The following ACCSL variants were observed in gnomAD, a reference collection of about 807,000 sequenced individuals.
ACCSL encodes 1-aminocyclopropane-1-carboxylate synthase homolog (inactive) like, also known as probable inactive 1-aminocyclopropane-1-carboxylate synthase-like protein 2.
Under a neutral mutation model 61.7 loss-of-function variants are expected in ACCSL, and 55 were observed. The observed-to-expected ratio is 0.89, with a 90% CI of 0.72 to 1.12. The LOEUF is 1.12. Ranked by LOEUF, ACCSL falls within the 50% of genes most tolerant of loss-of-function variation. ACCSL has a pLI of 0.00. For synonymous variants in ACCSL, 258 were observed against 264.3 expected (o/e 0.98, Z 0.23); for missense variants, 632 against 698.0 (o/e 0.91, Z 1.07).
chr11:44,000,748 A>G, the ACCSL span, among the ~76,000 whole-genome samples: 1 of 152,000 alleles, frequency 6.6e-6, no homozygotes, highest in Non-Finnish European at 1.5e-5. Flanking sequence ...AAAGAAAGAA[A>G]GAAAATTGTA....
chr11:44,014,128 G>T, the ACCSL span, among the ~76,000 whole-genome samples: 1 of 152,200 alleles, frequency 6.6e-6, no homozygotes, highest in African/African-American at 2.4e-5. Flanking sequence ...GTTATATACC[G>T]CTGTGAAACA....
the ACCSL span, among the ~76,000 whole-genome samples, chr11:43,976,548 C>T: frequency 6.6e-6 from 1 of 152,178 alleles, no homozygotes; most frequent in African/African-American, 2.4e-5. Flanking sequence ...ATTTCTGGCT[C>T]ATAAAGTCAA....
At chr11:43,956,103 A>G in the ACCSL span, among the ~76,000 whole-genome samples, 1 of 152,184 alleles carries the variant, frequency 6.6e-6, no homozygotes, top group East Asian at 1.9e-4. Context: ...AAAAAAAAAA[A>G]AAAAGGAAAT....
chr11:44,053,001 CA>C lies in ACCSL; in HGVS notation c.884del (p.Asn295ThrfsTer12). On this transcript the variant is annotated frameshift_variant, in exon 7 of 14. Coordinates refer to ENST00000378832, the MANE Select transcript of ACCSL (RefSeq NM_001031854.2). LOFTEE classifies it high-confidence loss of function. ...GTGTTTCTCTTCCAGGTCACTGTTA[CA>C]AACACCCATCCTTTCCAGCTCACTG... The part of the protein sequence containing the change: ...PVHLESEVTV[T>X]NTHPFQLTVD... 1 of 1,614,056 alleles carries C rather than the reference CA, an allele frequency of 6.2e-7. No homozygotes were observed. Among genetic ancestry groups the C allele is most frequent in the Non-Finnish European group, 8.5e-7 (1 of 1,179,920 alleles).
chr11:43,922,068 A>C, the ACCSL span: 1 of 152,252 alleles, frequency 6.6e-6, no homozygotes, highest in Admixed American at 6.5e-5. Flanking sequence ...TTTTGCTTAC[A>C]TCGCGTGTAA....
chr11:43,932,266 T>G, the ACCSL span, among the ~76,000 whole-genome samples: 1 of 152,172 alleles, frequency 6.6e-6, no homozygotes, highest in African/African-American at 2.4e-5. Context: ...AGACTTTTTT[T>G]TCTTTCTTTT....
the ACCSL span, among the ~76,000 whole-genome samples, chr11:43,956,451 G>A: frequency 2.0e-5 from 3 of 151,482 alleles, no homozygotes; most frequent in Admixed American, 2.0e-4. Context: ...ATGGAGTCTC[G>A]CTCTGTTGCC....
chr11:44,007,894 T>A, the ACCSL span, among the ~76,000 whole-genome samples: 58 of 152,210 alleles, frequency 3.8e-4, no homozygotes, highest in African/African-American at 1.3e-3. Context: ...GTTTGGATGG[T>A]GCAGTGAGAC....
At chr11:43,937,363 A>G in the ACCSL span, among the ~76,000 whole-genome samples, 1 of 152,230 alleles carries the variant, frequency 6.6e-6, no homozygotes, top group Non-Finnish European at 1.5e-5. Flanking sequence ...AGCCGTCAGT[A>G]GGGTGGCTAG....
At chr11:43,981,496 G>C in the ACCSL span, among the ~76,000 whole-genome samples, 1 of 152,190 alleles carries the variant, frequency 6.6e-6, no homozygotes, top group Admixed American at 6.5e-5. Flanking sequence ...AAAAGGGTGG[G>C]GGATATTTTT....
the ACCSL span, among the ~76,000 whole-genome samples, chr11:43,960,984 A>T: frequency 1.3e-5 from 2 of 151,134 alleles, no homozygotes; most frequent in African/African-American, 4.9e-5. Flanking sequence ...ACACTTGGTG[A>T]TTTTTTTTGT....
At chr11:43,996,325 A>G in the ACCSL span, among the ~76,000 whole-genome samples, 1,517 of 152,298 alleles carry the variant, frequency 1.0e-2, 31 homozygotes, top group African/African-American at 0.035. Context: ...ATGTCTTGAG[A>G]CAGCTTTGCC....
At chr11:44,052,641 T>C in intron 5 of ACCSL, 21 bp from the exon 6 acceptor site, 1 of 1,603,422 alleles carries the variant, frequency 6.2e-7, no homozygotes, top group South Asian at 1.1e-5. Context: ...GACTGATAGC[T>C]CTGTCTCTCT....
At position 44,053,483 on chromosome 11, in the gene ACCSL, G is replaced by A. The variant is rs1383566459; in HGVS notation, c.1026G>A (p.Met342Ile). 1.2e-6 allele frequency: 2 copies of A among 1,614,150 alleles called. No individual in the cohort carries two copies. The highest frequency in any genetic ancestry group is 4.5e-5 in the East Asian group (2 of 44,882). The change falls in exon 8 of 14, where the codon ATG (methionine) becomes ATA (isoleucine). Residue 342 changes from methionine (M) to isoleucine (I), a missense_variant. Physicochemically the swap from Met to Ile is conservative, Grantham distance 10. Coordinates refer to ENST00000378832, the MANE Select transcript of ACCSL (RefSeq NM_001031854.2). The stretch of plus-strand genomic sequence containing the variant: ...ACATCTACTCCCCAGACTCACTGAT[G>A]AAATACCTGGAATTTGCCAAGAGGT... ...LGDIYSPDSL[M>I]KYLEFAKRYN...
chr11:43,989,437 C>CA, the ACCSL span, among the ~76,000 whole-genome samples: 1 of 152,226 alleles, frequency 6.6e-6, no homozygotes, highest in Non-Finnish European at 1.5e-5. Context: ...CAGAGCTGCA[C>CA]GCTCCTGGTC....
chr11:44,006,472 A>T, the ACCSL span, among the ~76,000 whole-genome samples: 297 of 149,042 alleles, frequency 2.0e-3, 2 homozygotes, highest in East Asian at 0.029. Flanking sequence ...CTTAAGGGGG[A>T]ATAATGATGC....
chr11:44,044,596 T>G (rs1952588863), upstream of ACCSL, among the ~76,000 whole-genome samples: 2 of 151,890 alleles, frequency 1.3e-5, no homozygotes, highest in East Asian at 1.9e-4. Flanking sequence ...CTGAATTAGG[T>G]GAGAGTACTG....
chr11:44,012,773 A>G, the ACCSL span, among the ~76,000 whole-genome samples: 1 of 152,204 alleles, frequency 6.6e-6, no homozygotes, highest in Non-Finnish European at 1.5e-5. Flanking sequence ...CAGAACAATT[A>G]AAGTCCAACA....
chr11:44,028,810 G>A, the ACCSL span, among the ~76,000 whole-genome samples: 1 of 152,240 alleles, frequency 6.6e-6, no homozygotes, highest in Admixed American at 6.5e-5. Flanking sequence ...TCATAGGCTT[G>A]TGATGAGGGT....
Sources: allele counts gnomAD v4.1 joint callset (sites outside exome capture counted in the v4.1 genomes callset), GRCh38; gene constraint gnomAD v4.1.1; transcripts MANE v1.5; gene names NCBI Gene and HGNC (gene_info 2026-07-23, HGNC 2026-07-21).